TRPC4: variants seen among roughly 807,000 people sequenced by gnomAD.
TRPC4 encodes transient receptor potential cation channel subfamily C member 4.
TRPC4 carries 49 observed loss-of-function variants against 99.4 expected under a neutral mutation model. The ratio of observed to expected loss-of-function variants is 0.49; its 90% CI spans 0.39 to 0.63. The LOEUF (loss-of-function observed/expected upper bound fraction) is 0.63. TRPC4 is among the 20% of genes least tolerant of loss of function. The pLI, the probability that TRPC4 is intolerant of heterozygous loss-of-function variation, is 0.00. For synonymous variants in TRPC4, 454 were observed against 425.9 expected (o/e 1.07, Z -0.81); for missense variants, 898 against 1,152.9 (o/e 0.78, Z 3.20).
chr13:37,787,203 C>G (rs1475547778), intron 1 of TRPC4, among the ~76,000 whole-genome samples: 1 of 151,856 alleles, frequency 6.6e-6, no homozygotes, highest in Non-Finnish European at 1.5e-5. Context: ...AAATGAATTT[C>G]CCTGAACAAC....
chr13:37,820,038 T>G (rs1015035051), intron 1 of TRPC4, among the ~76,000 whole-genome samples: 2 of 151,792 alleles, frequency 1.3e-5, no homozygotes, highest in Admixed American at 1.3e-4. Flanking sequence ...ATAAGATTGA[T>G]AGACTACTAG....
chr13:37,715,408 A>G (rs990330670), intron 3 of TRPC4, among the ~76,000 whole-genome samples: 28 of 152,216 alleles, frequency 1.8e-4, no homozygotes, highest in African/African-American at 6.8e-4. Flanking sequence ...TATTATATGA[A>G]GTGTCCAGAC....
intron 3 of TRPC4, among the ~76,000 whole-genome samples, chr13:37,699,413 A>G (rs1954028336): frequency 6.6e-6 from 1 of 152,188 alleles, no homozygotes; most frequent in Non-Finnish European, 1.5e-5. Flanking sequence ...GATTTATGCA[A>G]GGAAATTACA....
At chr13:37,659,643 T>C (rs538852311) in intron 6 of TRPC4, among the ~76,000 whole-genome samples, 6 of 152,046 alleles carry the variant, frequency 3.9e-5, no homozygotes, top group Non-Finnish European at 5.9e-5. Context: ...TTTAGAAATA[T>C]AATTCAGGAA....
At chr13:37,735,725 T>G (rs958874374) in intron 3 of TRPC4, among the ~76,000 whole-genome samples, 34 of 152,210 alleles carry the variant, frequency 2.2e-4, no homozygotes, top group Admixed American at 2.2e-3. Flanking sequence ...CTAATGTTTT[T>G]GATTCTTGTT....
intron 1 of TRPC4, among the ~76,000 whole-genome samples, chr13:37,811,620 G>T (rs975896198): frequency 6.6e-6 from 1 of 152,122 alleles, no homozygotes; most frequent in Admixed American, 6.6e-5. Flanking sequence ...CTAGTATTCA[G>T]CAGAGTACTC....
intron 6 of TRPC4, among the ~76,000 whole-genome samples, chr13:37,661,232 A>C (rs548433250): frequency 6.6e-6 from 1 of 152,206 alleles, no homozygotes; most frequent in Non-Finnish European, 1.5e-5. Flanking sequence ...TTGGAATAAA[A>C]TTTATATTAA....
chr13:37,783,935 T>C (rs1237146081), intron 1 of TRPC4, among the ~76,000 whole-genome samples: 4 of 152,000 alleles, frequency 2.6e-5, no homozygotes, highest in Non-Finnish European at 5.9e-5. Context: ...CTCGAACTCC[T>C]GGGCTCAAGA....
chr13:37,680,046 C>T (rs1465637592), intron 4 of TRPC4, among the ~76,000 whole-genome samples: 1 of 152,132 alleles, frequency 6.6e-6, no homozygotes, highest in African/African-American at 2.4e-5. Context: ...GTGATGCCAC[C>T]AGTTAATGAA....
chr13:37,828,759 C>T (rs1436190178), intron 1 of TRPC4, among the ~76,000 whole-genome samples: 1 of 152,150 alleles, frequency 6.6e-6, no homozygotes, highest in African/African-American at 2.4e-5. Context: ...ACATCTTCTC[C>T]CTTGTAAGTG....
intron 1 of TRPC4, among the ~76,000 whole-genome samples, chr13:37,789,009 C>T (rs56656948): frequency 2.5e-4 from 38 of 152,218 alleles, no homozygotes; most frequent in East Asian, 1.5e-3. Flanking sequence ...TCTTTCCAAA[C>T]GATGTTACTG....
chr13:37,748,481 T>C (rs1339653703), intron 2 of TRPC4, among the ~76,000 whole-genome samples: 1 of 152,110 alleles, frequency 6.6e-6, no homozygotes, highest in Non-Finnish European at 1.5e-5. Flanking sequence ...ATACATTTTT[T>C]TTCAAAAAAA....
intron 3 of TRPC4, among the ~76,000 whole-genome samples, chr13:37,716,991 C>T (rs1441302490): frequency 6.6e-6 from 1 of 151,956 alleles, no homozygotes; most frequent in East Asian, 1.9e-4. Context: ...ACCAAACGCA[C>T]ACTCTTTGAT....
At chr13:37,809,172 G>T (rs1375566682) in intron 1 of TRPC4, among the ~76,000 whole-genome samples, 1 of 152,082 alleles carries the variant, frequency 6.6e-6, no homozygotes, top group East Asian at 1.9e-4. Flanking sequence ...TGTAGGGTTG[G>T]AAATTAGGTC....
chr13:37,847,821 A>C (rs115949857), intron 1 of TRPC4, among the ~76,000 whole-genome samples: 1,620 of 152,212 alleles, frequency 0.011, 20 homozygotes, highest in African/African-American at 0.037. Context: ...TATACAGTGG[A>C]CTCATAAAGT....
chr13:37,645,640 G>A, intron 8 of TRPC4, among the ~76,000 whole-genome samples: 1 of 152,170 alleles, frequency 6.6e-6, no homozygotes, highest in Non-Finnish European at 1.5e-5. Context: ...GGCATTCCGG[G>A]ATGTGATCCC....
At position 37,711,892 on chromosome 13, in the gene TRPC4, C is replaced by T. The variant is rs1295535777; in HGVS notation, c.898-19557G>A. Among the ~76,000 whole-genome samples the T allele has an allele frequency of 2.0e-5, 3 of 151,666 alleles. No homozygotes were observed. The Admixed American group carries it at 2.0e-4, about 10-fold the overall frequency. ...AATTAATTTTAATAATGGCATTTAA[C>T]ATATCTAAAATTATTTCATAGTAGG... On this transcript the variant is annotated intron_variant, in intron 3 of 10. Transcript: ENST00000379705.
intron 1 of TRPC4, among the ~76,000 whole-genome samples, chr13:37,818,796 T>C (rs1434333275): frequency 6.6e-6 from 1 of 151,976 alleles, no homozygotes; most frequent in Admixed American, 6.6e-5. Flanking sequence ...TACCAGGGCC[T>C]GTCAGGGGAT....
At chr13:37,780,749 C>A (rs1194693348) in intron 2 of TRPC4, among the ~76,000 whole-genome samples, 1 of 152,042 alleles carries the variant, frequency 6.6e-6, no homozygotes, top group Admixed American at 6.6e-5. Flanking sequence ...GTTGCTGAAA[C>A]TTCAGTTTTC....
Sources: allele counts gnomAD v4.1 joint callset (sites outside exome capture counted in the v4.1 genomes callset), GRCh38; gene constraint gnomAD v4.1.1; transcripts MANE v1.5; gene names NCBI Gene and HGNC (gene_info 2026-07-23, HGNC 2026-07-21).